The following ACTR3B variants were observed in gnomAD, a reference collection of about 807,000 sequenced individuals.
ACTR3B encodes the protein actin-related protein 3B.
ACTR3B carries 8 observed loss-of-function variants against 59.0 expected under a neutral mutation model. The observed-to-expected ratio is 0.14, with a 90% CI of 0.08 to 0.24. The LOEUF is 0.24. Among genes scored for constraint, ACTR3B ranks in the 10% least tolerant of loss-of-function variants. ACTR3B has a pLI of 1.00. For synonymous variants in ACTR3B, 148 were observed against 197.9 expected, an observed-to-expected ratio of 0.75 and a Z score of 2.12; for missense variants, 245 against 552.3, an observed-to-expected ratio of 0.44 and a Z score of 5.58.
chr7:152,842,863 A>G (rs2116966157), intron 9 of ACTR3B, among the ~76,000 whole-genome samples: 1 of 152,306 alleles, frequency 6.6e-6, no homozygotes, highest in South Asian at 2.1e-4. Flanking sequence ...CCCTCCCACC[A>G]ACAGTGTACA....
At chr7:152,852,953 G>A (rs1382658871) in intron 10 of ACTR3B, among the ~76,000 whole-genome samples, 1 of 151,938 alleles carries the variant, frequency 6.6e-6, no homozygotes, top group African/African-American at 2.4e-5. Flanking sequence ...CACCAAGCCC[G>A]GCTAATTTTT....
At chr7:152,768,037 A>G (rs1337275666) in intron 1 of ACTR3B, among the ~76,000 whole-genome samples, 1 of 152,196 alleles carries the variant, frequency 6.6e-6, no homozygotes, top group African/African-American at 2.4e-5. Flanking sequence ...CTTGGCCAAC[A>G]TGGCAAAACC....
At chr7:152,759,986 TC>T in intron 1 of ACTR3B, 60 bp downstream of exon 1, 1 of 1,278,326 alleles carries the variant, frequency 7.8e-7, no homozygotes, top group South Asian at 2.2e-5. Flanking sequence ...GCCCCTGGCG[TC>T]CACCTCGCCT....
Position 152,800,758 on chromosome 7 carries a change from A to G in ACTR3B, c.225+103A>G, listed in dbSNP as rs535874600. 11 of 1,385,972 alleles carry G rather than the reference A, an allele frequency of 7.9e-6. No homozygotes were observed. The African/African-American group carries it at 1.6e-4, about 20-fold the overall frequency. 85.9% of individuals were successfully genotyped at this position (1,385,972 alleles called of 1,614,324 possible). On this transcript the variant is annotated intron_variant, in intron 3 of 11. Transcript: ENST00000256001. ...GTATTTGCGAGTTGTAGAATGTGTT[A>G]TGTTTGAATTCTTATGTTTGAATAG...
chr7:152,788,643 C>T (rs1048634166), intron 2 of ACTR3B, among the ~76,000 whole-genome samples: 3 of 152,040 alleles, frequency 2.0e-5, no homozygotes, highest in Admixed American at 6.5e-5. Context: ...GAACTCCTGA[C>T]CTTGTGATTC....
chr7:152,834,777 A>G (rs1227217700), intron 9 of ACTR3B, among the ~76,000 whole-genome samples: 3 of 152,196 alleles, frequency 2.0e-5, no homozygotes, highest in Non-Finnish European at 4.4e-5. Context: ...GTCTGTAACT[A>G]ATGGTGCTTT....
At chr7:152,763,357 G>A (rs936657815) in intron 1 of ACTR3B, among the ~76,000 whole-genome samples, 3 of 148,802 alleles carry the variant, frequency 2.0e-5, no homozygotes, top group African/African-American at 7.4e-5. Flanking sequence ...ATTTGTGGGG[G>A]AATATTTTAT....
intron 1 of ACTR3B, among the ~76,000 whole-genome samples, chr7:152,765,091 C>T (rs2098104218): frequency 6.8e-6 from 1 of 147,156 alleles, no homozygotes; most frequent in South Asian, 2.2e-4. Flanking sequence ...TGTTTTGAGA[C>T]TGGGTCTTAC....
intron 2 of ACTR3B, among the ~76,000 whole-genome samples, chr7:152,797,421 T>A (rs967210499): frequency 1.6e-4 from 25 of 152,188 alleles, no homozygotes; most frequent in Non-Finnish European, 1.5e-5. Context: ...CAGATAACAT[T>A]GTGTGTTTTT....
At chr7:152,830,776 C>T (rs1186581002) in intron 9 of ACTR3B, among the ~76,000 whole-genome samples, 1 of 152,088 alleles carries the variant, frequency 6.6e-6, no homozygotes, top group East Asian at 1.9e-4. Context: ...GTCTTAAACG[C>T]CTGGCCTCAA....
intron 9 of ACTR3B, among the ~76,000 whole-genome samples, chr7:152,833,308 A>G (rs1248307929): frequency 2.0e-5 from 3 of 152,214 alleles, no homozygotes; most frequent in Non-Finnish European, 2.9e-5. Context: ...CTCCTAGGAC[A>G]CCGTTGGGTA....
chr7:152,808,610 A>C (rs1187685956), intron 4 of ACTR3B, among the ~76,000 whole-genome samples: 1 of 152,234 alleles, frequency 6.6e-6, no homozygotes, highest in African/African-American at 2.4e-5. Context: ...AACCTTCCCC[A>C]GCTCTACTCA....
chr7:152,780,012 G>A (rs1178420969), intron 1 of ACTR3B, among the ~76,000 whole-genome samples: 25 of 151,894 alleles, frequency 1.6e-4, no homozygotes, highest in African/African-American at 4.6e-4. Context: ...TAAAAATAAC[G>A]TCAGTTCTGC....
At chr7:152,798,160 A>G (rs951632330) in intron 2 of ACTR3B, among the ~76,000 whole-genome samples, 3 of 152,136 alleles carry the variant, frequency 2.0e-5, no homozygotes, top group Admixed American at 6.5e-5. Context: ...CCTATAGTGT[A>G]TAAAGGTTCT....
chr7:152,837,837 A>C (rs151307135), intron 9 of ACTR3B, among the ~76,000 whole-genome samples: 9,660 of 151,746 alleles, frequency 0.064, 178 homozygotes, highest in South Asian at 0.12. Flanking sequence ...TATGTTTTCA[A>C]GCACCAGGAA....
chr7:152,783,828 G>T (rs1259781333), intron 2 of ACTR3B, among the ~76,000 whole-genome samples: 2 of 151,854 alleles, frequency 1.3e-5, no homozygotes, highest in African/African-American at 4.8e-5. Context: ...GGTGGCTCAC[G>T]CATGTAATCG....
chr7:152,806,077 TTC>T (rs2098251305), intron 4 of ACTR3B, among the ~76,000 whole-genome samples: 1 of 152,346 alleles, frequency 6.6e-6, no homozygotes. Context: ...AACCAGATTA[TTC>T]TCTTTCTCTT....
intron 2 of ACTR3B, among the ~76,000 whole-genome samples, chr7:152,793,087 G>C (rs1030851218): frequency 6.8e-6 from 1 of 146,512 alleles, no homozygotes. Context: ...TTTTGGAATG[G>C]ATTTTTTTTG....
chr7:152,825,098 C>A lies in ACTR3B; in HGVS notation c.927C>A (p.Ile309=). The A allele has an allele frequency of 2.5e-6, 4 of 1,613,738 alleles. No homozygotes were observed. Among genetic ancestry groups the A allele is most frequent in the Non-Finnish European group, 2.5e-6 (3 of 1,179,778 alleles). ...ATGAAGTAATACAGAACTGCCCCATCGATGTGCGGCGCCCGCTGTATAAGG... is the reference window on the plus strand; with the variant it reads ...ATGAAGTAATACAGAACTGCCCCATAGATGTGCGGCGCCCGCTGTATAAGG... The part of the protein sequence containing the change: ...VVDEVIQNCP[I]DVRRPLYKNV... Residue 309 remains isoleucine (I), a synonymous_variant, in exon 9 of 12, where the codon ATC becomes ATA. Coordinates refer to ENST00000256001, the MANE Select transcript of ACTR3B (RefSeq NM_020445.6).
Sources: gnomAD v4.1 joint callset for allele counts (sites outside exome capture counted in the v4.1 genomes callset) on GRCh38, gnomAD v4.1.1 for gene constraint, MANE v1.5 for transcripts, NCBI Gene and HGNC (gene_info 2026-07-23, HGNC 2026-07-21) for gene names.